Variants in TRPM3 observed in about 807,000 individuals in gnomAD.
The protein encoded by TRPM3 is transient receptor potential cation channel subfamily M member 3.
A neutral mutation model predicts 181.2 loss-of-function variants in TRPM3; 77 were observed. The observed-to-expected ratio is 0.42, with a 90% CI of 0.35 to 0.51. TRPM3 has a LOEUF of 0.51. Ranked by LOEUF, TRPM3 falls within the 20% of genes least tolerant of loss-of-function variation. The pLI, the probability that TRPM3 is intolerant of heterozygous loss-of-function variation, is 0.01. For synonymous variants in TRPM3, 745 were observed against 796.4 expected (o/e 0.94, Z 1.09); for missense variants, 1,759 against 2,196.7 (o/e 0.80, Z 3.98).
intron 1 of TRPM3, among the ~76,000 whole-genome samples, chr9:71,394,010 G>A (rs1172090709): frequency 6.6e-6 from 1 of 152,148 alleles, no homozygotes; most frequent in Admixed American, 6.6e-5. Flanking sequence ...AATGTGTATT[G>A]TGTATGTACA....
intron 1 of TRPM3, among the ~76,000 whole-genome samples, chr9:71,241,275 A>G (rs542425549): frequency 1.1e-4 from 16 of 152,196 alleles, no homozygotes; most frequent in Admixed American, 7.2e-4. Flanking sequence ...AAGCTGCCTA[A>G]GCTTTTCTGG....
intron 6 of TRPM3, among the ~76,000 whole-genome samples, chr9:70,787,763 C>CTTTTTTTTTTTTTTTTTTTTTTGATT (rs2084089646): frequency 2.9e-5 from 2 of 68,556 alleles, no homozygotes; most frequent in East Asian, 6.0e-4. Flanking sequence ...TTTTTGGATT[C>CTTTTTTTTTTTTTTTTTTTTTTGATT]TTTTTTTTTT....
chr9:70,919,208 T>A (rs1195607727), intron 1 of TRPM3, among the ~76,000 whole-genome samples: 1 of 152,222 alleles, frequency 6.6e-6, no homozygotes, highest in South Asian at 2.1e-4. Context: ...AAGTCCCAAC[T>A]GCCTAGCATG....
intron 6 of TRPM3, among the ~76,000 whole-genome samples, chr9:70,807,400 C>T (rs1367213409): frequency 6.6e-6 from 1 of 152,158 alleles, no homozygotes; most frequent in East Asian, 1.9e-4. Context: ...TGGAAGTATG[C>T]ATGATGGTCT....
chr9:70,921,942 A>ACACACACACACACACACACAC (rs1554770509), intron 1 of TRPM3, among the ~76,000 whole-genome samples: 1 of 139,394 alleles, frequency 7.2e-6, no homozygotes, highest in Non-Finnish European at 1.5e-5. Context: ...CACACAAACA[A>ACACACACACACACACACACAC]ACACACACAC....
At chr9:71,050,396 T>C (rs2059933745) in intron 1 of TRPM3, among the ~76,000 whole-genome samples, 2 of 152,162 alleles carry the variant, frequency 1.3e-5, no homozygotes, top group African/African-American at 4.8e-5. Flanking sequence ...AGAGATAAGA[T>C]ACAGTTTTGC....
chr9:71,192,097 A>G (rs2078066599), intron 1 of TRPM3, among the ~76,000 whole-genome samples: 2 of 151,888 alleles, frequency 1.3e-5, no homozygotes, highest in African/African-American at 4.8e-5. Context: ...TTAAATCTTT[A>G]CGTAAATATA....
chr9:70,889,868 T>C (rs1202551298), intron 1 of TRPM3, among the ~76,000 whole-genome samples: 1 of 150,590 alleles, frequency 6.6e-6, no homozygotes, highest in African/African-American at 2.4e-5. Flanking sequence ...AAAGTGTATA[T>C]ATGGCATATA....
At chr9:71,409,191 C>T (rs2093494782) in intron 1 of TRPM3, among the ~76,000 whole-genome samples, 1 of 152,198 alleles carries the variant, frequency 6.6e-6, no homozygotes, top group Admixed American at 6.6e-5. Context: ...TAGGAAGACA[C>T]TGCATCAACT....
chr9:70,563,608 G>A (rs368239349), intron 22 of TRPM3, among the ~76,000 whole-genome samples: 39 of 152,164 alleles, frequency 2.6e-4, no homozygotes, highest in African/African-American at 9.2e-4. Flanking sequence ...TAAAACAGAA[G>A]TGCAGAGACT....
At chr9:70,553,816 C>T (rs1310648811) in intron 22 of TRPM3, among the ~76,000 whole-genome samples, 2 of 152,218 alleles carry the variant, frequency 1.3e-5, no homozygotes, top group African/African-American at 4.8e-5. Context: ...AACCTGGGAG[C>T]TCCAGCTAAC....
intron 8 of TRPM3, among the ~76,000 whole-genome samples, chr9:70,685,531 G>C (rs940664334): frequency 2.6e-5 from 4 of 152,210 alleles, no homozygotes; most frequent in South Asian, 4.2e-4. Context: ...TCAGCCTCCT[G>C]AGTACCTGGG....
chr9:71,169,077 T>C (rs896861155), intron 1 of TRPM3, among the ~76,000 whole-genome samples: 4 of 152,184 alleles, frequency 2.6e-5, no homozygotes, highest in Non-Finnish European at 2.9e-5. Flanking sequence ...GTGAGAACTG[T>C]GGTCTACTAG....
intron 21 of TRPM3, among the ~76,000 whole-genome samples, chr9:70,592,893 C>A (rs2058362780): frequency 6.6e-6 from 1 of 152,100 alleles, no homozygotes; most frequent in Non-Finnish European, 1.5e-5. Flanking sequence ...CCATGCCCCG[C>A]TAATTTTTTT....
intron 1 of TRPM3, among the ~76,000 whole-genome samples, chr9:71,211,775 C>T (rs990087558): frequency 6.6e-6 from 1 of 152,082 alleles, no homozygotes; most frequent in Non-Finnish European, 1.5e-5. Context: ...GAATTAAGGG[C>T]CCATTCTACT....
intron 1 of TRPM3, among the ~76,000 whole-genome samples, chr9:71,276,099 C>T (rs748735167): frequency 6.6e-6 from 1 of 152,080 alleles, no homozygotes; most frequent in African/African-American, 2.4e-5. Flanking sequence ...CCTCGGCCTC[C>T]CAAAGTGCTG....
intron 8 of TRPM3, among the ~76,000 whole-genome samples, chr9:70,751,697 G>C (rs903667857): frequency 1.3e-5 from 2 of 152,144 alleles, no homozygotes; most frequent in African/African-American, 4.8e-5. Flanking sequence ...TGCAGAGGGA[G>C]TAATAGAGTT....
At chr9:71,305,254 G>T (rs766424825) in intron 1 of TRPM3, among the ~76,000 whole-genome samples, 7 of 152,240 alleles carry the variant, frequency 4.6e-5, no homozygotes, top group Non-Finnish European at 1.0e-4. Context: ...TTGGAATGCT[G>T]TAAAAGCAGA....
chr9:70,975,188 G>A (rs1422029317), intron 1 of TRPM3, among the ~76,000 whole-genome samples: 2 of 152,064 alleles, frequency 1.3e-5, no homozygotes, highest in Non-Finnish European at 2.9e-5. Flanking sequence ...GTTTCTTTGG[G>A]AAGCTAAAGA....
Sources: allele counts gnomAD v4.1 joint callset (sites outside exome capture counted in the v4.1 genomes callset), GRCh38; gene constraint gnomAD v4.1.1; transcripts MANE v1.5; gene names NCBI Gene and HGNC (gene_info 2026-07-23, HGNC 2026-07-21).